The following RBFOX1 variants were observed in gnomAD, a reference collection of about 807,000 sequenced individuals.
RBFOX1 encodes RNA binding protein fox-1 homolog 1.
A neutral mutation model predicts 57.7 loss-of-function variants in RBFOX1; 8 were observed. That is an observed-to-expected ratio of 0.14 (90% CI 0.08 to 0.25). The LOEUF (loss-of-function observed/expected upper bound fraction) is 0.25. Ranked by LOEUF, RBFOX1 falls within the 10% of genes least tolerant of loss-of-function variation. RBFOX1 has a pLI of 1.00. For missense variants in RBFOX1, 611 were observed against 548.5 expected, an observed-to-expected ratio of 1.11 and a Z score of -1.14; for synonymous variants, 326 against 222.4, an observed-to-expected ratio of 1.47 and a Z score of -4.15.
intron 3 of RBFOX1, among the ~76,000 whole-genome samples, chr16:5,833,032 C>T (rs1215122358): frequency 6.6e-6 from 1 of 152,134 alleles, no homozygotes; most frequent in Non-Finnish European, 1.5e-5. Flanking sequence ...TGCATAGGCA[C>T]AATTTTCCAT....
At chr16:5,995,735 C>G (rs1419643867) in intron 4 of RBFOX1, among the ~76,000 whole-genome samples, 1 of 152,076 alleles carries the variant, frequency 6.6e-6, no homozygotes. Flanking sequence ...TCCTGGGGCT[C>G]TTAGATCAAA....
intron 3 of RBFOX1, among the ~76,000 whole-genome samples, chr16:7,031,659 G>A (rs2042829392): frequency 6.6e-6 from 1 of 152,082 alleles, no homozygotes; most frequent in Admixed American, 6.6e-5. Context: ...CAGATGTGAT[G>A]AATAATTTTG....
intron 4 of RBFOX1, among the ~76,000 whole-genome samples, chr16:7,504,728 TA>T (rs1567553227): frequency 0.019 from 1,299 of 67,610 alleles, 200 homozygotes; most frequent in African/African-American, 0.064. Context: ...TATATATATA[TA>T]TATATATATA....
At chr16:6,600,147 G>C (rs1359089947) in intron 2 of RBFOX1, among the ~76,000 whole-genome samples, 1 of 152,108 alleles carries the variant, frequency 6.6e-6, no homozygotes, top group Non-Finnish European at 1.5e-5. Flanking sequence ...ACCCAATTTA[G>C]TAGGACACAG....
chr16:7,552,463 G>T (rs1879210209), intron 5 of RBFOX1, among the ~76,000 whole-genome samples: 2 of 152,122 alleles, frequency 1.3e-5, no homozygotes, highest in African/African-American at 4.8e-5. Flanking sequence ...CAGAGAAGTT[G>T]CAGAGTTGAG....
chr16:7,426,583 C>T (rs1286578758), intron 4 of RBFOX1, among the ~76,000 whole-genome samples: 2 of 152,230 alleles, frequency 1.3e-5, no homozygotes, highest in East Asian at 1.9e-4. Context: ...ATAGATGCGC[C>T]AAGGGAGAGG....
At chr16:6,467,202 T>G (rs984732845) in intron 2 of RBFOX1, among the ~76,000 whole-genome samples, 1 of 151,144 alleles carries the variant, frequency 6.6e-6, no homozygotes, top group Admixed American at 6.6e-5. Context: ...ATATATTAAT[T>G]GCAGTTAATG....
chr16:5,261,977 A>T (rs1174602722), intron 1 of RBFOX1, among the ~76,000 whole-genome samples: 1 of 152,206 alleles, frequency 6.6e-6, no homozygotes, highest in African/African-American at 2.4e-5. Flanking sequence ...CTCAAAGAAG[A>T]CTTCTTTTAT....
chr16:5,401,418 G>C (rs2066710647), intron 1 of RBFOX1, among the ~76,000 whole-genome samples: 1 of 152,074 alleles, frequency 6.6e-6, no homozygotes, highest in African/African-American at 2.4e-5. Context: ...CTGTGACTTG[G>C]TTTGCCCATC....
chr16:6,290,916 A>G (rs1168187041), intron 1 of RBFOX1, among the ~76,000 whole-genome samples: 1 of 152,158 alleles, frequency 6.6e-6, no homozygotes, highest in East Asian at 1.9e-4. Flanking sequence ...GAGTAGAGGA[A>G]TAAAAGAATG....
chr16:6,291,482 C>G (rs865919897), intron 1 of RBFOX1, among the ~76,000 whole-genome samples: 5 of 152,232 alleles, frequency 3.3e-5, no homozygotes, highest in African/African-American at 9.6e-5. Context: ...ATCTTGGGAC[C>G]TCAAACTCAC....
chr16:5,987,421 T>A (rs545014089), intron 4 of RBFOX1, among the ~76,000 whole-genome samples: 1 of 152,218 alleles, frequency 6.6e-6, no homozygotes, highest in Non-Finnish European at 1.5e-5. Context: ...TAAAAATGGA[T>A]CATGTTTTGG....
intron 3 of RBFOX1, among the ~76,000 whole-genome samples, chr16:6,999,137 G>A (rs1040405114): frequency 2.0e-5 from 3 of 150,900 alleles, no homozygotes; most frequent in South Asian, 4.2e-4. Flanking sequence ...CCAAAGTACA[G>A]GGATTACAGG....
intron 3 of RBFOX1, among the ~76,000 whole-genome samples, chr16:5,719,288 G>GC (rs2051839416): frequency 7.0e-6 from 1 of 143,502 alleles, no homozygotes; most frequent in Admixed American, 7.3e-5. Context: ...TGCAAGCTCC[G>GC]CCCCCCTGGT....
chr16:5,756,833 C>G (rs1057085168), intron 3 of RBFOX1, among the ~76,000 whole-genome samples: 6 of 152,138 alleles, frequency 3.9e-5, no homozygotes, highest in South Asian at 2.1e-4. Context: ...AATAATACAG[C>G]TAACAGGTAC....
intron 4 of RBFOX1, among the ~76,000 whole-genome samples, chr16:7,074,591 G>A (rs1412503027): frequency 1.3e-5 from 2 of 152,106 alleles, no homozygotes; most frequent in East Asian, 3.9e-4. Context: ...GAAATATCAA[G>A]CATTTAAATA....
intron 4 of RBFOX1, among the ~76,000 whole-genome samples, chr16:7,076,500 G>A (rs1383846986): frequency 6.6e-6 from 1 of 152,190 alleles, no homozygotes. Context: ...ATTTTCATAT[G>A]CCTAATATAC....
chr16:6,670,389 T>C (rs1384915626), intron 3 of RBFOX1, among the ~76,000 whole-genome samples: 1 of 152,184 alleles, frequency 6.6e-6, no homozygotes, highest in East Asian at 1.9e-4. Flanking sequence ...TATTTTTAAT[T>C]TGATCTATTC....
At chr16:7,007,460 G>C (rs1337601258) in intron 3 of RBFOX1, among the ~76,000 whole-genome samples, 1 of 152,120 alleles carries the variant, frequency 6.6e-6, no homozygotes, top group African/African-American at 2.4e-5. Flanking sequence ...GCATACTTTT[G>C]ATAACATCTA....
Sources: gnomAD v4.1 joint callset for allele counts (sites outside exome capture counted in the v4.1 genomes callset) on GRCh38, gnomAD v4.1.1 for gene constraint, MANE v1.5 for transcripts, NCBI Gene and HGNC (gene_info 2026-07-23, HGNC 2026-07-21) for gene names.